EYS: variants seen among roughly 807,000 people sequenced by gnomAD.
EYS encodes the protein EGF-like photoreceptor maintenance factor.
In EYS, 250 loss-of-function variants were observed where a neutral mutation model predicts 282.1. That is an observed-to-expected ratio of 0.89 (90% CI 0.80 to 0.98). The LOEUF is 0.98. EYS is among the 50% of genes least tolerant of loss of function. The pLI is 0.00. For synonymous variants in EYS, 1,355 were observed against 1,282.9 expected, an observed-to-expected ratio of 1.06 and a Z score of -1.20; for missense variants, 4,016 against 3,709.0, an observed-to-expected ratio of 1.08 and a Z score of -2.15.
At chr6:64,062,038 C>T (rs974820549) in intron 33 of EYS, among the ~76,000 whole-genome samples, 1 of 151,782 alleles carries the variant, frequency 6.6e-6, no homozygotes, top group Non-Finnish European at 1.5e-5. Context: ...TTGAAGACAT[C>T]GTGTCAACAT....
chr6:65,483,214 C>T (rs1284784150), intron 5 of EYS, among the ~76,000 whole-genome samples: 1 of 151,942 alleles, frequency 6.6e-6, no homozygotes, highest in Admixed American at 6.6e-5. Context: ...TATTTGTACT[C>T]TATTTCACAA....
chr6:64,796,737 A>T (rs1051164277), intron 22 of EYS, among the ~76,000 whole-genome samples: 1 of 152,124 alleles, frequency 6.6e-6, no homozygotes, highest in African/African-American at 2.4e-5. Context: ...AATAATGTGG[A>T]GTTGAATATG....
chr6:64,276,559 T>C (rs1446658365), intron 30 of EYS, among the ~76,000 whole-genome samples: 1 of 152,164 alleles, frequency 6.6e-6, no homozygotes, highest in Non-Finnish European at 1.5e-5. Context: ...CAGGAAATTG[T>C]AGAATATTCA....
chr6:64,130,533 G>A (rs1409634566), intron 31 of EYS, among the ~76,000 whole-genome samples: 14 of 151,934 alleles, frequency 9.2e-5, no homozygotes, highest in Admixed American at 9.2e-4. Flanking sequence ...GTTAAATGAC[G>A]AGTTAATGGG....
chr6:63,949,044 A>G (rs1355727144), intron 35 of EYS, among the ~76,000 whole-genome samples: 2 of 152,218 alleles, frequency 1.3e-5, no homozygotes, highest in African/African-American at 2.4e-5. Flanking sequence ...TACAAAAATG[A>G]GCATTTTAAA....
At chr6:65,288,517 CTTAA>C (rs1236022102) in intron 12 of EYS, among the ~76,000 whole-genome samples, 2 of 150,358 alleles carry the variant, frequency 1.3e-5, no homozygotes, top group Non-Finnish European at 3.0e-5. Context: ...TTTCATTTTA[CTTAA>C]TTAAAATTGA....
chr6:64,150,685 G>A (rs984397432), intron 31 of EYS, among the ~76,000 whole-genome samples: 9 of 150,778 alleles, frequency 6.0e-5, no homozygotes, highest in African/African-American at 7.5e-5. Context: ...ATGTGTAAGC[G>A]TTAAACATAT....
intron 28 of EYS, among the ~76,000 whole-genome samples, chr6:64,410,886 A>C (rs1395920043): frequency 6.6e-6 from 1 of 152,164 alleles, no homozygotes; most frequent in East Asian, 1.9e-4. Flanking sequence ...AAAATCTGTA[A>C]CATTTATGCT....
intron 12 of EYS, among the ~76,000 whole-genome samples, chr6:65,272,349 C>CTT (rs1367650390): frequency 6.6e-6 from 1 of 152,054 alleles, no homozygotes; most frequent in East Asian, 1.9e-4. Flanking sequence ...TGACCTTGAC[C>CTT]TTGTCCCTTC....
intron 26 of EYS, among the ~76,000 whole-genome samples, chr6:64,461,279 T>G (rs1775735277): frequency 6.6e-6 from 1 of 152,238 alleles, no homozygotes; most frequent in South Asian, 2.1e-4. Flanking sequence ...AAATATGATT[T>G]TTTCTCAATT....
chr6:64,852,923 A>G (rs1392286208), intron 19 of EYS, among the ~76,000 whole-genome samples: 1 of 152,144 alleles, frequency 6.6e-6, no homozygotes, highest in Non-Finnish European at 1.5e-5. Flanking sequence ...CCATTGTTTT[A>G]AATCACCCAG....
chr6:64,755,247 A>C (rs1441437286), intron 22 of EYS, among the ~76,000 whole-genome samples: 1 of 152,122 alleles, frequency 6.6e-6, no homozygotes, highest in Non-Finnish European at 1.5e-5. Context: ...AGGAGGTGAA[A>C]GATCTCTACA....
At chr6:65,442,140 A>C (rs1314675660) in intron 5 of EYS, among the ~76,000 whole-genome samples, 1 of 152,058 alleles carries the variant, frequency 6.6e-6, no homozygotes, top group Non-Finnish European at 1.5e-5. Flanking sequence ...TCTTTAAAAA[A>C]TATGACTATA....
chr6:64,202,525 T>G (rs1020180267), intron 31 of EYS, among the ~76,000 whole-genome samples: 2 of 152,144 alleles, frequency 1.3e-5, no homozygotes, highest in Non-Finnish European at 2.9e-5. Flanking sequence ...TTCATTCAAG[T>G]GTGAAATTGG....
At chr6:65,409,028 C>T (rs1461147050) in intron 5 of EYS, among the ~76,000 whole-genome samples, 1 of 151,972 alleles carries the variant, frequency 6.6e-6, no homozygotes, top group Non-Finnish European at 1.5e-5. Flanking sequence ...AGAAACAATT[C>T]TGTTGTTAAT....
chr6:64,126,354 C>T lies in EYS; in HGVS notation c.6425-44352G>A, dbSNP rs961632298. Among the ~76,000 whole-genome samples, 21 of 106,450 alleles carry T rather than the reference C, an allele frequency of 2.0e-4. 2 individuals carry two copies. The highest frequency in any genetic ancestry group is 6.7e-4 in the African/African-American group (21 of 31,300). 69.8% of individuals were successfully genotyped at this position (106,450 alleles called of 152,430 possible). On this transcript the variant is annotated intron_variant, in intron 31 of 42. Transcript: ENST00000503581. ...ATTAAGAAAATGTGGCACATATACA[C>T]CATGGAATACAATGCACTATTCTCT...
At chr6:64,184,419 A>G (rs568268465) in intron 31 of EYS, among the ~76,000 whole-genome samples, 2 of 152,274 alleles carry the variant, frequency 1.3e-5, no homozygotes, top group South Asian at 2.1e-4. Flanking sequence ...TATACCATCC[A>G]TTGAGGTTAG....
intron 33 of EYS, among the ~76,000 whole-genome samples, chr6:64,033,803 A>T (rs9362389): frequency 0.43 from 65,087 of 151,340 alleles, 15,396 homozygotes; most frequent in African/African-American, 0.64. Context: ...ATTGTTGCAA[A>T]GTAATTCTGA....
chr6:64,606,630 A>G (rs769963650), intron 24 of EYS, among the ~76,000 whole-genome samples: 5 of 152,050 alleles, frequency 3.3e-5, no homozygotes, highest in Non-Finnish European at 7.4e-5. Context: ...TGTCTTCTGA[A>G]CACTTTCAAG....
Sources: gnomAD v4.1 joint callset for allele counts (sites outside exome capture counted in the v4.1 genomes callset) on GRCh38, gnomAD v4.1.1 for gene constraint, MANE v1.5 for transcripts, NCBI Gene and HGNC (gene_info 2026-07-23, HGNC 2026-07-21) for gene names.